AFG2A: variants seen among roughly 807,000 people sequenced by gnomAD.
AFG2A encodes the protein AAA ATPase AFG2A, also known as ATPase family gene 2 protein homolog A.
At chr4:122,939,329 G>A in the AFG2A span, among the ~76,000 whole-genome samples, 6 of 151,842 alleles carry the variant, frequency 4.0e-5, no homozygotes, top group Admixed American at 6.6e-5. Flanking sequence ...TGATCCGCCC[G>A]CCTCGGCCTC....
the AFG2A span, among the ~76,000 whole-genome samples, chr4:123,245,992 A>T: frequency 2.6e-5 from 4 of 152,210 alleles, no homozygotes; most frequent in African/African-American, 9.7e-5. Flanking sequence ...TTTATGGGGA[A>T]GTGATTATCT....
the AFG2A span, among the ~76,000 whole-genome samples, chr4:123,104,226 A>G: frequency 6.6e-6 from 1 of 152,260 alleles, no homozygotes; most frequent in Admixed American, 6.5e-5. Flanking sequence ...CATTATTATT[A>G]TTATGTTATC....
chr4:122,945,154 G>T, the AFG2A span, among the ~76,000 whole-genome samples: 15 of 152,142 alleles, frequency 9.9e-5, no homozygotes, highest in Admixed American at 4.6e-4. Flanking sequence ...GGAGAACCAC[G>T]GCTCTCTTCA....
At chr4:123,231,402 T>G in the AFG2A span, among the ~76,000 whole-genome samples, 1 of 152,072 alleles carries the variant, frequency 6.6e-6, no homozygotes, top group Non-Finnish European at 1.5e-5. Context: ...CTTCTGCAGC[T>G]TCTTCACCTC....
At chr4:122,955,810 C>G in the AFG2A span, among the ~76,000 whole-genome samples, 1 of 152,142 alleles carries the variant, frequency 6.6e-6, no homozygotes, top group African/African-American at 2.4e-5. Context: ...TACAAACATT[C>G]TTTTGGTACA....
the AFG2A span, among the ~76,000 whole-genome samples, chr4:123,241,512 A>G: frequency 6.6e-6 from 1 of 152,236 alleles, no homozygotes; most frequent in African/African-American, 2.4e-5. Flanking sequence ...CATCACATAA[A>G]CAGAACCAAT....
chr4:123,163,563 T>A, the AFG2A span, among the ~76,000 whole-genome samples: 2 of 152,338 alleles, frequency 1.3e-5, no homozygotes, highest in East Asian at 1.9e-4. Flanking sequence ...AACCTCAGTG[T>A]TAATTTCATT....
chr4:122,986,339 G>A, the AFG2A span, among the ~76,000 whole-genome samples: 25 of 152,216 alleles, frequency 1.6e-4, no homozygotes, highest in Admixed American at 6.5e-4. Context: ...TTGACTTTCC[G>A]TCTTGATGAC....
the AFG2A span, among the ~76,000 whole-genome samples, chr4:122,955,767 G>A: frequency 6.6e-6 from 1 of 152,224 alleles, no homozygotes; most frequent in African/African-American, 2.4e-5. Flanking sequence ...ACAGTTGGGA[G>A]AGACTGCAGG....
the AFG2A span, among the ~76,000 whole-genome samples, chr4:123,113,082 A>G: frequency 2.0e-5 from 3 of 151,980 alleles, no homozygotes; most frequent in Non-Finnish European, 2.9e-5. Flanking sequence ...TTTTTCTCCA[A>G]TGTGTTTGGA....
At chr4:122,979,817 C>G in the AFG2A span, among the ~76,000 whole-genome samples, 1 of 152,114 alleles carries the variant, frequency 6.6e-6, no homozygotes, top group Non-Finnish European at 1.5e-5. Flanking sequence ...ATCATCTGAG[C>G]CCTGGGGAAT....
the AFG2A span, among the ~76,000 whole-genome samples, chr4:123,073,100 CATT>C: frequency 6.6e-5 from 10 of 151,876 alleles, no homozygotes; most frequent in African/African-American, 2.4e-4. Flanking sequence ...ATATGTAATA[CATT>C]ATTATTAATT....
At chr4:123,193,067 C>T in the AFG2A span, among the ~76,000 whole-genome samples, 1 of 152,130 alleles carries the variant, frequency 6.6e-6, no homozygotes, top group Non-Finnish European at 1.5e-5. Context: ...TATTAGTAAA[C>T]TCCTTGTGTA....
At chr4:123,180,717 G>C in the AFG2A span, among the ~76,000 whole-genome samples, 1 of 152,130 alleles carries the variant, frequency 6.6e-6, no homozygotes, top group Admixed American at 6.5e-5. Flanking sequence ...AAAGGATATT[G>C]TATTTAATTC....
the AFG2A span, among the ~76,000 whole-genome samples, chr4:123,172,128 T>A: frequency 6.6e-6 from 1 of 152,162 alleles, no homozygotes; most frequent in East Asian, 1.9e-4. Context: ...TCTTAATACT[T>A]CTTGGAATAT....
the AFG2A span, among the ~76,000 whole-genome samples, chr4:123,279,801 A>G: frequency 6.6e-6 from 1 of 152,226 alleles, no homozygotes; most frequent in Non-Finnish European, 1.5e-5. Context: ...TGTTATCAGT[A>G]GATCATCAAT....
the AFG2A span, among the ~76,000 whole-genome samples, chr4:123,021,550 T>C: frequency 6.6e-6 from 1 of 152,240 alleles, no homozygotes. Context: ...ACTTGATTGA[T>C]GTGTTTCATT....
the AFG2A span, among the ~76,000 whole-genome samples, chr4:123,014,291 G>T: frequency 3.3e-5 from 5 of 152,154 alleles, no homozygotes; most frequent in South Asian, 2.1e-4. Flanking sequence ...ATTAGAAAAA[G>T]CAAAATATTT....
chr4:123,233,250 C>A, the AFG2A span, among the ~76,000 whole-genome samples: 1 of 151,380 alleles, frequency 6.6e-6, no homozygotes, highest in Non-Finnish European at 1.5e-5. Context: ...CATTTATTTT[C>A]TTTAAAAAAA....
Sources: gnomAD v4.1 joint callset for allele counts (sites outside exome capture counted in the v4.1 genomes callset) on GRCh38, gnomAD v4.1.1 for gene constraint, MANE v1.5 for transcripts, NCBI Gene and HGNC (gene_info 2026-07-23, HGNC 2026-07-21) for gene names.